The following LRCH2 variants were observed in gnomAD, a reference collection of about 807,000 sequenced individuals.
LRCH2 encodes leucine rich repeats and calponin homology domain containing 2, also known as leucine-rich repeat and calponin homology domain-containing protein 2.
A neutral mutation model predicts 68.9 loss-of-function variants in LRCH2; 38 were observed. The observed-to-expected ratio is 0.55, with a 90% confidence interval of 0.43 to 0.72. The LOEUF (loss-of-function observed/expected upper bound fraction) is 0.72, where lower values mean the gene tolerates loss of function less well. Among genes scored for constraint, LRCH2 ranks in the 30% least tolerant of loss-of-function variants. LRCH2 has a pLI of 0.00. For synonymous variants in LRCH2, 191 were observed against 208.1 expected (o/e 0.92, Z 0.71); for missense variants, 528 against 572.9 (o/e 0.92, Z 0.80).
chrX:115,233,157 TCA>T (rs1438234059), intron 1 of LRCH2, among the ~76,000 whole-genome samples: 4 of 111,803 alleles, frequency 3.6e-5, no homozygotes, highest in African/African-American at 1.3e-4. Flanking sequence ...ATGAAAAATC[TCA>T]GTCTTTAAAG....
intron 14 of LRCH2, among the ~76,000 whole-genome samples, chrX:115,131,127 ATATTT>A (rs1288611591): frequency 1.8e-5 from 2 of 110,714 alleles, no homozygotes; most frequent in Non-Finnish European, 3.8e-5. Flanking sequence ...TTTTTTTATT[ATATTT>A]TAAGTTCTAG....
intron 2 of LRCH2, among the ~76,000 whole-genome samples, chrX:115,186,050 T>C (rs1556554259): frequency 8.9e-6 from 1 of 112,310 alleles, no homozygotes; most frequent in Non-Finnish European, 1.9e-5. Context: ...AAAATCAATT[T>C]ATTTTCTTCC....
intron 2 of LRCH2, among the ~76,000 whole-genome samples, chrX:115,185,211 G>A (rs782392287): frequency 1.2e-4 from 13 of 111,845 alleles, no homozygotes; most frequent in African/African-American, 4.2e-4. Context: ...CCATGTTCAG[G>A]GCAGCTCATG....
intron 10 of LRCH2, among the ~76,000 whole-genome samples, chrX:115,165,138 G>A (rs1287215457): frequency 9.1e-6 from 1 of 109,527 alleles, no homozygotes; most frequent in Non-Finnish European, 1.9e-5. Context: ...TGTATATGAC[G>A]GTATAGTCCT....
chrX:115,119,369 CCAA>C (rs1337457763), intron 20 of LRCH2, among the ~76,000 whole-genome samples: 1 of 95,669 alleles, frequency 1.0e-5, no homozygotes, highest in African/African-American at 3.9e-5. Flanking sequence ...TTCTTATACA[CCAA>C]CAACAGACAA....
intron 6 of LRCH2, among the ~76,000 whole-genome samples, chrX:115,167,312 C>A (rs1286474329): frequency 2.9e-5 from 3 of 105,004 alleles, no homozygotes; most frequent in African/African-American, 1.0e-4. Context: ...AGGTACTATG[C>A]TGAATGCTTA....
chrX:115,180,284 A>G (rs2072681824), intron 3 of LRCH2, among the ~76,000 whole-genome samples: 1 of 111,100 alleles, frequency 9.0e-6, no homozygotes, highest in South Asian at 3.8e-4. Context: ...AACACTTGTG[A>G]CTCATCTCAT....
chrX:115,122,716 T>G (rs782121032), intron 19 of LRCH2, 44 bp downstream of exon 19: 48 of 1,191,198 alleles, frequency 4.0e-5, no homozygotes, highest in Non-Finnish European at 5.1e-5. Flanking sequence ...TTTAAGAAGC[T>G]ATATCTTCCT....
At chrX:115,132,383 G>T (rs969376159) in intron 14 of LRCH2, among the ~76,000 whole-genome samples, 19 of 111,476 alleles carry the variant, frequency 1.7e-4, no homozygotes, top group African/African-American at 6.2e-4. Flanking sequence ...TCAAAGATCA[G>T]ATGGTTGTCG....
intron 2 of LRCH2, among the ~76,000 whole-genome samples, chrX:115,186,063 T>C (rs2072728772): frequency 8.9e-6 from 1 of 112,294 alleles, no homozygotes; most frequent in South Asian, 3.7e-4. Context: ...TTTCTTCCCT[T>C]AAAAAGCATA....
chrX:115,217,850 G>A (rs1201540038), intron 1 of LRCH2, among the ~76,000 whole-genome samples: 10 of 112,041 alleles, frequency 8.9e-5, no homozygotes, highest in Non-Finnish European at 1.9e-4. Context: ...CACCAACAGT[G>A]TAAAAGTGTT....
intron 2 of LRCH2, among the ~76,000 whole-genome samples, chrX:115,186,082 G>A (rs145151125): frequency 1.5e-3 from 168 of 111,953 alleles, no homozygotes; most frequent in African/African-American, 5.1e-3. Flanking sequence ...TATTCAGGCC[G>A]GTCACAATGG....
At chrX:115,154,391 C>A (rs2072456895) in intron 12 of LRCH2, among the ~76,000 whole-genome samples, 1 of 111,723 alleles carries the variant, frequency 9.0e-6, no homozygotes, top group Admixed American at 9.5e-5. Context: ...ACAATACTAT[C>A]AACCAACTTA....
intron 1 of LRCH2, among the ~76,000 whole-genome samples, chrX:115,225,457 T>TA (rs1397317180): frequency 9.0e-6 from 1 of 111,611 alleles, no homozygotes; most frequent in Non-Finnish European, 1.9e-5. Flanking sequence ...GTGCTATACA[T>TA]AAAAATCGAT....
rs781915435 is a variant in LRCH2, at chrX:115,233,082, A to T, written c.349+611T>A. Among the ~76,000 whole-genome samples, 13 of 112,290 alleles carry T rather than the reference A, an allele frequency of 1.2e-4. No homozygotes were observed. In the South Asian group the frequency reaches 4.8e-3, roughly 42 times the overall value. On this transcript the variant is annotated intron_variant, in intron 1 of 20. Transcript: ENST00000317135. ...TAGTAAGCAGACATGTAAGTGATTG[A>T]TGATTTAATTTACCACTGCAGCAAA... is the stretch of plus-strand genomic sequence containing the variant.
rs186148543 is a variant in LRCH2 at position 115,177,454 on chromosome X, G to A, written c.864+1973C>T. On this transcript the variant is annotated intron_variant, in intron 5 of 20. Transcript: ENST00000317135. The stretch of plus-strand genomic sequence containing the variant: ...AATTCTGCCTGAAATATGTAAGACA[G>A]GTTGCAAGCATTCTGGGAGCCAAAC... Among the ~76,000 whole-genome samples the A allele has an allele frequency of 2.7e-4, 30 of 111,078 alleles. No individual in the cohort carries two copies. In the East Asian group the frequency reaches 8.6e-3, roughly 32 times the overall value.
intron 14 of LRCH2, among the ~76,000 whole-genome samples, chrX:115,131,930 G>A (rs1272630366): frequency 8.9e-6 from 1 of 111,843 alleles, no homozygotes; most frequent in African/African-American, 3.2e-5. Context: ...ATTTGATGGG[G>A]TTGTTTGATT....
chrX:115,120,433 C>T (rs1438478176), intron 20 of LRCH2, among the ~76,000 whole-genome samples: 2 of 87,364 alleles, frequency 2.3e-5, no homozygotes, highest in Non-Finnish European at 4.4e-5. Flanking sequence ...TTCATCATCA[C>T]TGGCCATCAG....
chrX:115,115,989 C>A (rs1181320524), intron 20 of LRCH2, among the ~76,000 whole-genome samples: 1 of 110,995 alleles, frequency 9.0e-6, no homozygotes, highest in East Asian at 2.8e-4. Context: ...ATCAAAACCG[C>A]AATAAGATAT....
Sources: allele counts gnomAD v4.1 joint callset (sites outside exome capture counted in the v4.1 genomes callset), GRCh38; gene constraint gnomAD v4.1.1; transcripts MANE v1.5; gene names NCBI Gene and HGNC (gene_info 2026-07-23, HGNC 2026-07-21).